PCDHGA3: variants seen among roughly 807,000 people sequenced by gnomAD.
PCDHGA3 encodes protocadherin gamma subfamily A, 3.
PCDHGA3 carries 40 observed loss-of-function variants against 58.5 expected under a neutral mutation model. That is an observed-to-expected ratio of 0.68 (90% CI 0.53 to 0.89). The LOEUF (loss-of-function observed/expected upper bound fraction) is 0.89. Among genes scored for constraint, PCDHGA3 ranks in the 40% least tolerant of loss-of-function variants. The pLI, the probability that PCDHGA3 is intolerant of heterozygous loss-of-function variation, is 0.00. For missense variants in PCDHGA3, 1,223 were observed against 1,195.9 expected (o/e 1.02, Z -0.33); for synonymous variants, 530 against 525.7 (o/e 1.01, Z -0.11).
intron 1 of PCDHGA3, chr5:141,360,620 T>C (rs759358436): frequency 1.2e-6 from 2 of 1,614,026 alleles, no homozygotes; most frequent in Non-Finnish European, 1.7e-6. Flanking sequence ...GATTCAGATG[T>C]TGGTCCTAAC....
chr5:141,488,497 C>T (rs1054409265), intron 1 of PCDHGA3, among the ~76,000 whole-genome samples: 3 of 152,204 alleles, frequency 2.0e-5, no homozygotes, highest in South Asian at 2.1e-4. Flanking sequence ...CTGTAACACT[C>T]ATTCCACATT....
chr5:141,415,149 C>T, intron 1 of PCDHGA3: 1 of 1,613,796 alleles, frequency 6.2e-7, no homozygotes, highest in Middle Eastern at 1.6e-4. Context: ...AGCCCCCTCT[C>T]TCCGCCACTG....
chr5:141,396,813 T>C (rs1031435038), intron 1 of PCDHGA3, among the ~76,000 whole-genome samples: 4 of 152,240 alleles, frequency 2.6e-5, no homozygotes, highest in African/African-American at 9.6e-5. Context: ...AGTGTTCTAC[T>C]GTATGGTGCA....
At chr5:141,388,414 A>G in intron 1 of PCDHGA3, 2 of 1,613,970 alleles carry the variant, frequency 1.2e-6, no homozygotes, top group Non-Finnish European at 1.7e-6. Context: ...CCCAGTGATC[A>G]TTTCTCACTG....
intron 1 of PCDHGA3, chr5:141,362,603 C>A: frequency 6.4e-7 from 1 of 1,572,606 alleles, no homozygotes; most frequent in Non-Finnish European, 8.6e-7. Context: ...ATTGTTTCAC[C>A]TAATTTGGGT....
intron 1 of PCDHGA3, chr5:141,389,309 T>A (rs763262842): frequency 1.4e-5 from 23 of 1,613,900 alleles, no homozygotes; most frequent in Non-Finnish European, 1.9e-5. Flanking sequence ...TCAGGGCTTC[T>A]GATCCGGACT....
At chr5:141,409,075 G>A (rs1416534881) in intron 1 of PCDHGA3, 2 of 1,613,904 alleles carry the variant, frequency 1.2e-6, no homozygotes, top group East Asian at 2.2e-5. Flanking sequence ...CAAAACATAT[G>A]TTCTCATTGG....
chr5:141,403,626 C>T, intron 1 of PCDHGA3: 1 of 1,613,910 alleles, frequency 6.2e-7, no homozygotes, highest in Non-Finnish European at 8.5e-7. Context: ...CGCTCCAGCA[C>T]AGTGCGCATC....
At position 141,432,394 on chromosome 5, in the gene PCDHGA3, C is replaced by G; in HGVS notation, c.2425-62413C>G. 1 of 1,614,260 alleles carries G rather than the reference C, an allele frequency of 6.2e-7. No individual in the cohort carries two copies. The highest frequency in any genetic ancestry group is 8.5e-7 in the Non-Finnish European group (1 of 1,180,050). On this transcript the variant is annotated intron_variant, in intron 1 of 3. Transcript: ENST00000253812. This position sits in a 1 kb window ranked among gnomAD's most constrained non-coding sequence, Gnocchi z 6.0. The stretch of plus-strand genomic sequence containing the variant: ...ACGGGCACCCGCCCCTCAGCAGCAA[C>G]GTGTCGTTGAGCCTGTTCGTGCTGG...
chr5:141,426,754 T>C, intron 1 of PCDHGA3: 1 of 456,314 alleles, frequency 2.2e-6, no homozygotes, highest in Non-Finnish European at 4.4e-6. Context: ...GAATCTGCTA[T>C]AGATGCAGAT....
chr5:141,427,998 C>A, intron 1 of PCDHGA3: 1 of 1,600,956 alleles, frequency 6.2e-7, no homozygotes, highest in Non-Finnish European at 8.6e-7. Context: ...TGGCTCCGCA[C>A]TCTTCGATAT....
At position 141,485,221 on chromosome 5, in the gene PCDHGA3, C is replaced by A; in HGVS notation, c.2425-9586C>A. 4 of 1,614,118 alleles carry A rather than the reference C, an allele frequency of 2.5e-6. No individual in the cohort carries two copies. The highest frequency in any genetic ancestry group is 2.2e-5 in the East Asian group (1 of 44,868). ...GGACAGAAATCTGGCGGTGGGCTAC[C>A]CTTTTGTTCCTCTTTTACCACCTGG... On this transcript the variant is annotated intron_variant, in intron 1 of 3. Coordinates refer to ENST00000253812, the MANE Select transcript of PCDHGA3 (RefSeq NM_018916.4). The surrounding 1 kb of genome is among the most constrained non-coding windows in gnomAD (Gnocchi z 5.7).
At chr5:141,366,901 T>C in intron 1 of PCDHGA3, 1 of 1,189,700 alleles carries the variant, frequency 8.4e-7, no homozygotes, top group Non-Finnish European at 1.2e-6. Flanking sequence ...AATTCATGCT[T>C]TCTCCATTTG....
intron 1 of PCDHGA3, among the ~76,000 whole-genome samples, chr5:141,465,017 C>T (rs1278815002): frequency 6.6e-6 from 1 of 152,132 alleles, no homozygotes; most frequent in Non-Finnish European, 1.5e-5. Context: ...GCTAAGATTA[C>T]AGCCATGAAC....
intron 1 of PCDHGA3, chr5:141,403,857 C>T (rs1431988074): frequency 6.2e-7 from 1 of 1,613,412 alleles, no homozygotes; most frequent in South Asian, 1.1e-5. Flanking sequence ...GGGGAAATAT[C>T]AACAGCAAAA....
intron 1 of PCDHGA3, chr5:141,398,974 A>G (rs1486049931): frequency 1.4e-5 from 23 of 1,613,860 alleles, no homozygotes; most frequent in Non-Finnish European, 1.9e-5. Context: ...TTCCTTCTAC[A>G]GAACCGGGCA....
intron 1 of PCDHGA3, chr5:141,427,830 C>T (rs749612858): frequency 7.8e-6 from 12 of 1,538,204 alleles, no homozygotes; most frequent in African/African-American, 1.4e-5. Flanking sequence ...GGTCGCGCAG[C>T]GTGCCTTCGA....
chr5:141,479,731 G>C (rs1176632022), intron 1 of PCDHGA3: 1 of 152,216 alleles, frequency 6.6e-6, no homozygotes, highest in East Asian at 1.9e-4. Context: ...TTTTTCTTAA[G>C]TATATGCACA....
Position 141,366,562 on chromosome 5 carries a change from T to A in PCDHGA3, c.2424+20105T>A, listed in dbSNP as rs767375100. 15 of 1,614,112 alleles carry A rather than the reference T, an allele frequency of 9.3e-6. No homozygotes were observed. The East Asian group carries it at 2.0e-4, about 22-fold the overall frequency. On this transcript the variant is annotated intron_variant, in intron 1 of 3. Transcript: ENST00000253812. Reference sequence around the variant, plus strand: ...CCGCCTCGCACTTTGTGGGCGTGGATGGGGTTCGGGCTTTCCTGCAGACCT... The same window carrying A: ...CCGCCTCGCACTTTGTGGGCGTGGAAGGGGTTCGGGCTTTCCTGCAGACCT...
Sources: gnomAD v4.1 joint callset for allele counts (sites outside exome capture counted in the v4.1 genomes callset) on GRCh38, gnomAD v4.1.1 for gene constraint, Gnocchi (gnomAD v3.1) non-coding constraint, MANE v1.5 for transcripts, NCBI Gene and HGNC (gene_info 2026-07-23, HGNC 2026-07-21) for gene names.